PIGS: variants seen among roughly 807,000 people sequenced by gnomAD.
The protein encoded by PIGS is phosphatidylinositol glycan anchor biosynthesis class S, also known as GPI-anchor transamidase component PIGS.
In PIGS, 37 loss-of-function variants were observed where a neutral mutation model predicts 58.2. That is an observed-to-expected ratio of 0.64 (90% CI 0.49 to 0.84). PIGS has a LOEUF of 0.84. PIGS is among the 40% of genes least tolerant of loss of function. The pLI is 0.00. For missense variants in PIGS, 629 were observed against 710.8 expected (o/e 0.88, Z 1.31); for synonymous variants, 269 against 289.2 (o/e 0.93, Z 0.71).
At chr17:28,570,537 A>T (rs997289973) in intron 3 of PIGS, among the ~76,000 whole-genome samples, 4 of 152,172 alleles carry the variant, frequency 2.6e-5, no homozygotes, top group Admixed American at 6.6e-5. Context: ...ATAAACAAAC[A>T]AACTAAATAG....
intron 3 of PIGS, among the ~76,000 whole-genome samples, chr17:28,566,061 A>T (rs2070392115): frequency 6.6e-6 from 1 of 151,694 alleles, no homozygotes; most frequent in Non-Finnish European, 1.5e-5. Flanking sequence ...CAAATTAAAT[A>T]AAATAAATAA....
In PIGS at chr17:28,555,039, G is replaced by C; in HGVS notation, c.1204C>G (p.Pro402Ala). 1 of 1,612,798 alleles carries C rather than the reference G, an allele frequency of 6.2e-7. No homozygotes were observed. The highest frequency in any genetic ancestry group is 8.5e-7 in the Non-Finnish European group (1 of 1,179,384). ...AGCAGGCATTTTGGAGGCAGCTGGG[G>C]CTGAGCAATCCCAAAGAGCAACCTG... The part of the protein sequence containing the change: ...QLRLLFGIAQ[P>A]QLPPKCLLSG... Residue 402 changes from proline (P) to alanine (A), a missense_variant, in exon 11 of 12, where the codon CCC becomes GCC. Transcript: ENST00000308360.
rs900583139 is a variant in PIGS, at chr17:28,553,713, C to T, written c.*507G>A. 1 of 173,946 alleles carries T rather than the reference C, an allele frequency of 5.7e-6. No individual in the cohort carries two copies. The highest frequency in any genetic ancestry group is 2.4e-5 in the African/African-American group (1 of 41,524). The allele number at this position is 173,946 out of a possible 1,614,324, so 10.8% of individuals were successfully genotyped here. On this transcript the variant is annotated 3_prime_UTR_variant, in exon 12 of 12. Coordinates refer to ENST00000308360, the MANE Select transcript of PIGS (RefSeq NM_033198.4). ...TGAGCTGCTGCCTCCTGGACTCCCGCCAGACTGCACCTGACAGACAAAGCC... is the reference window on the plus strand; with the variant it reads ...TGAGCTGCTGCCTCCTGGACTCCCGTCAGACTGCACCTGACAGACAAAGCC...
chr17:28,570,717 A>G (rs1303140567), intron 3 of PIGS, 135 bp downstream of exon 3: 5 of 811,430 alleles, frequency 6.2e-6, no homozygotes, highest in Non-Finnish European at 9.9e-6. Flanking sequence ...TTTCTGACCA[A>G]ACACACTGTT....
At chr17:28,560,294 G>A in intron 6 of PIGS, 103 bp from the exon 7 acceptor site, 5 of 1,376,572 alleles carry the variant, frequency 3.6e-6, no homozygotes, top group Non-Finnish European at 4.0e-6. Context: ...TCTGGAATGG[G>A]GCTGCTTTCC....
intron 1 of PIGS, 41 bp downstream of exon 1, chr17:28,571,422 C>T (rs1264276178): frequency 1.2e-6 from 2 of 1,605,706 alleles, no homozygotes; most frequent in Non-Finnish European, 1.7e-6. Context: ...CCTCCCTTGC[C>T]ATCAGCTAGC....
intron 9 of PIGS, 78 bp downstream of exon 9, chr17:28,556,738 CCAGAAGGAAAA>C: frequency 6.6e-7 from 1 of 1,506,346 alleles, no homozygotes; most frequent in Non-Finnish European, 8.9e-7. Context: ...ATGGAGGACA[CCAGAAGGAAAA>C]CAGAAGGAAC....
rs772650572 is a variant in PIGS, at chr17:28,561,601, C to G, written c.497G>C (p.Arg166Thr). 3 of 1,613,218 alleles carry G rather than the reference C, an allele frequency of 1.9e-6. No individual in the cohort carries two copies. In the Admixed American group the frequency reaches 5.0e-5, roughly 27 times the overall value. The change falls in exon 6 of 12, where the codon AGG (arginine) becomes ACG (threonine). Residue 166 changes from arginine to threonine, a missense_variant. Physicochemically the swap from Arg to Thr is moderately conservative, Grantham distance 71 (BLOSUM62 -1). Transcript: ENST00000308360. ...QDMMSYIGPK[R>T]TAVVRGIMHR... Reference sequence around the variant, plus strand: ...CATTATCCCCCGCACCACTGCTGTCCTCTTGGGCCCAATGTAGCTCATCAT... The same window carrying G: ...CATTATCCCCCGCACCACTGCTGTCGTCTTGGGCCCAATGTAGCTCATCAT...
intron 9 of PIGS, 126 bp from the exon 10 acceptor site, chr17:28,556,392 G>A: frequency 1.3e-6 from 1 of 783,668 alleles, no homozygotes; most frequent in Non-Finnish European, 2.2e-6. Context: ...TCATGGTATA[G>A]CTAATATTTT....
In PIGS at chr17:28,554,420, C is replaced by T. The variant is rs61755367; in HGVS notation, c.1468G>A (p.Ala490Thr). ...ASGHLASAFV[A>T]SQEAVTSSEL... Reference sequence around the variant, plus strand: ...GAGGATGTCACAGCTTCCTGGCTGGCGACAAAGGCAGATGCCAGGTGCCCA... The same window carrying T: ...GAGGATGTCACAGCTTCCTGGCTGGTGACAAAGGCAGATGCCAGGTGCCCA... Residue 490 changes from alanine to threonine, a missense_variant, in exon 12 of 12, where the codon GCC becomes ACC. Coordinates refer to ENST00000308360, the MANE Select transcript of PIGS (RefSeq NM_033198.4). 1,860 of 1,614,122 alleles carry T rather than the reference C, an allele frequency of 1.2e-3. 6 individuals carry two copies. The highest frequency in any genetic ancestry group is 6.0e-3 in the South Asian group (551 of 91,084).
intron 3 of PIGS, among the ~76,000 whole-genome samples, chr17:28,567,885 A>G (rs1213124309): frequency 1.3e-5 from 2 of 152,178 alleles, no homozygotes; most frequent in Admixed American, 1.3e-4. Flanking sequence ...GACCTTAGAC[A>G]TGCTTTTCCC....
intron 8 of PIGS, 160 bp from the exon 9 acceptor site, chr17:28,557,132 A>C (rs2070335618): frequency 6.8e-6 from 5 of 739,662 alleles, no homozygotes; most frequent in Non-Finnish European, 8.8e-6. Flanking sequence ...AAAGGGCTTC[A>C]GAATGTTCTC....
intron 3 of PIGS, among the ~76,000 whole-genome samples, chr17:28,565,718 G>A (rs1172164077): frequency 2.0e-5 from 3 of 152,022 alleles, no homozygotes; most frequent in Non-Finnish European, 2.9e-5. Flanking sequence ...GTGAGACCCC[G>A]TCTCTACAAA....
chr17:28,563,688 CA>C, intron 4 of PIGS, 129 bp downstream of exon 4: 1 of 1,240,316 alleles, frequency 8.1e-7, no homozygotes. Context: ...GGCTGAATCC[CA>C]CAGTTCCTCA....
chr17:28,571,275 C>T (rs2070427472), intron 1 of PIGS, 87 bp from the exon 2 acceptor site: 9 of 1,545,638 alleles, frequency 5.8e-6, no homozygotes, highest in Non-Finnish European at 7.0e-6. Flanking sequence ...CAACCACCGG[C>T]CTCCAGGGGC....
intron 3 of PIGS, among the ~76,000 whole-genome samples, 196 bp downstream of exon 3, chr17:28,570,656 G>C (rs1386693845): frequency 2.0e-5 from 3 of 152,220 alleles, no homozygotes; most frequent in Non-Finnish European, 4.4e-5. Flanking sequence ...TAGGTAGCCT[G>C]TCTTACGAGT....
At chr17:28,571,012 G>A (rs562720438) in intron 2 of PIGS, 37 bp downstream of exon 2, 1 of 1,614,168 alleles carries the variant, frequency 6.2e-7, no homozygotes, top group Non-Finnish European at 8.5e-7. Context: ...CCTTGCCGGG[G>A]GGGCTGTCCC....
intron 9 of PIGS, 28 bp from the exon 10 acceptor site, chr17:28,556,294 C>T (rs756258600): frequency 2.0e-6 from 3 of 1,526,764 alleles, no homozygotes; most frequent in East Asian, 2.2e-5. Context: ...ATTGCCACAA[C>T]ATCATACCAG....
chr17:28,560,923 C>CA (rs2070359891), intron 6 of PIGS, among the ~76,000 whole-genome samples: 1 of 151,870 alleles, frequency 6.6e-6, no homozygotes, highest in South Asian at 2.1e-4. Flanking sequence ...CACTGCACTC[C>CA]AGTCTGGGCA....
Sources: gnomAD v4.1 joint callset for allele counts (sites outside exome capture counted in the v4.1 genomes callset) on GRCh38, gnomAD v4.1.1 for gene constraint, MANE v1.5 for transcripts, NCBI Gene and HGNC (gene_info 2026-07-23, HGNC 2026-07-21) for gene names.